HYLS1: variants seen among roughly 807,000 people sequenced by gnomAD.
The protein encoded by HYLS1 is centriolar and ciliogenesis-associated protein HYLS1.
HYLS1 carries 25 observed loss-of-function variants against 29.4 expected under a neutral mutation model. The observed-to-expected ratio is 0.85, with a 90% CI of 0.62 to 1.19. The LOEUF (loss-of-function observed/expected upper bound fraction) is 1.19. Among genes scored for constraint, HYLS1 ranks in the 50% most tolerant of loss-of-function variants. The probability of loss-of-function intolerance (pLI) is 0.00; values close to 1 mark genes in which losing one functional copy is unlikely to be tolerated. For synonymous variants in HYLS1, 128 were observed against 126.7 expected, an observed-to-expected ratio of 1.01 and a Z score of -0.07; for missense variants, 352 against 365.1, an observed-to-expected ratio of 0.96 and a Z score of 0.29.
At chr11:125,888,140 G>T (rs1944342563) in intron 1 of HYLS1, 1 of 152,272 alleles carries the variant, frequency 6.6e-6, no homozygotes, top group Non-Finnish European at 1.5e-5. Context: ...TAGCGACCTG[G>T]GTCCAAGCCA....
Position 125,900,614 on chromosome 11 carries a change from T to TACACTTACCAATTAAAGAATTTTGGAA in HYLS1, c.*348_*374dup. ...GTGTGTTTTTTAAGTTGCTGGGCAT[T>TACACTTACCAATTAAAGAATTTTGGAA]ACACTTACCAATTAAAGAATTTTGG... On this transcript the variant is annotated 3_prime_UTR_variant, in exon 3 of 3. Transcript: ENST00000425380. The TACACTTACCAATTAAAGAATTTTGGAA allele has an allele frequency of 3.5e-6, 1 of 289,198 alleles. No individual in the cohort carries two copies. The highest frequency in any genetic ancestry group is 7.0e-6 in the Non-Finnish European group (1 of 143,368). The allele number at this position is 289,198 out of a possible 1,614,324, so 17.9% of individuals were successfully genotyped here.
At chr11:125,894,747 T>C (rs952917171) in intron 2 of HYLS1, among the ~76,000 whole-genome samples, 7 of 152,190 alleles carry the variant, frequency 4.6e-5, no homozygotes, top group African/African-American at 1.7e-4. Context: ...CTCAGTGATA[T>C]AAAACAAGCA....
intron 2 of HYLS1, among the ~76,000 whole-genome samples, chr11:125,897,046 A>T (rs1333518450): frequency 6.6e-6 from 1 of 152,190 alleles, no homozygotes; most frequent in Non-Finnish European, 1.5e-5. Context: ...GATGTAATGT[A>T]GATGTCAGTG....
intron 2 of HYLS1, chr11:125,893,569 T>A (rs780261422): frequency 6.9e-5 from 30 of 436,122 alleles, no homozygotes; most frequent in Non-Finnish European, 1.2e-4. Context: ...TTTACGTTCT[T>A]TAATCGCTTA....
At chr11:125,895,428 T>C in intron 2 of HYLS1, 2 of 1,614,074 alleles carry the variant, frequency 1.2e-6, no homozygotes, top group East Asian at 2.2e-5. Flanking sequence ...GCCCACTAGC[T>C]GTACTTGAGC....
chr11:125,886,787 C>T (rs1944312218), upstream of HYLS1, among the ~76,000 whole-genome samples: 1 of 151,288 alleles, frequency 6.6e-6, no homozygotes, highest in Admixed American at 6.6e-5. Context: ...GGTGCTCGCC[C>T]GTAATCCCAG....
At chr11:125,893,663 T>G in intron 2 of HYLS1, 2 of 802,254 alleles carry the variant, frequency 2.5e-6, no homozygotes, top group East Asian at 2.9e-5. Context: ...TCTTTTTGCT[T>G]TTTTTTTTCT....
intron 2 of HYLS1, among the ~76,000 whole-genome samples, chr11:125,898,578 T>C (rs1486310150): frequency 6.6e-6 from 1 of 151,836 alleles, no homozygotes; most frequent in Non-Finnish European, 1.5e-5. Context: ...TCCGGAGTCT[T>C]AGACAGGATA....
chr11:125,895,824 A>T (rs1944566554), intron 2 of HYLS1: 26 of 1,580,360 alleles, frequency 1.6e-5, no homozygotes, highest in Non-Finnish European at 2.1e-5. Context: ...GGTTTTAGAG[A>T]CACAAATAAT....
At chr11:125,885,457 A>G (rs975868685), upstream of HYLS1, among the ~76,000 whole-genome samples, 1 of 152,150 alleles carries the variant, frequency 6.6e-6, no homozygotes, top group African/African-American at 2.4e-5. Flanking sequence ...TCTCAAAAAA[A>G]ATTAAAAAAA....
upstream of HYLS1, among the ~76,000 whole-genome samples, chr11:125,885,422 G>C (rs1465024137): frequency 1.3e-5 from 2 of 151,988 alleles, no homozygotes; most frequent in Non-Finnish European, 2.9e-5. Context: ...CTGCACCCCA[G>C]CCTGGGCTAC....
intron 2 of HYLS1, chr11:125,894,105 A>C: frequency 6.2e-7 from 1 of 1,614,120 alleles, no homozygotes; most frequent in Non-Finnish European, 8.5e-7. Flanking sequence ...CCTATTCCAC[A>C]GGGTACTGGA....
At chr11:125,899,311 T>C in intron 2 of HYLS1, 33 bp from the exon 3 acceptor site, 1 of 1,495,878 alleles carries the variant, frequency 6.7e-7, no homozygotes, top group South Asian at 1.2e-5. Flanking sequence ...GGGAATTTAT[T>C]ATCAGAAAAC....
In HYLS1 at chr11:125,899,566, G is replaced by C. The variant is rs754900007; in HGVS notation, c.198G>C (p.Val66=). ...CAGGGAAGCGACCTGCTCTTCCTGT[G>C]CAACTACAGTACCCACATGTAGAAA... ...VAPGKRPALP[V]QLQYPHVESN... Residue 66 remains valine, a synonymous_variant, in exon 3 of 3, where the codon GTG becomes GTC. Transcript: ENST00000425380. 4.3e-6 allele frequency: 7 copies of C among 1,614,122 alleles called. No homozygotes were observed. Among genetic ancestry groups the C allele is most frequent in the Non-Finnish European group, 5.9e-6 (7 of 1,180,002 alleles).
At chr11:125,887,982 CGGG>C (rs1944338067) in intron 1 of HYLS1, 15 of 152,386 alleles carry the variant, frequency 9.8e-5, no homozygotes, top group African/African-American at 3.1e-4. Context: ...ATGTGCGCGG[CGGG>C]CCGCAGCCCC....
intron 2 of HYLS1, chr11:125,896,378 G>T: frequency 8.2e-7 from 1 of 1,222,012 alleles, no homozygotes; most frequent in Non-Finnish European, 1.2e-6. Context: ...TAGTTCCTTT[G>T]ATGATGTTCT....
chr11:125,885,635 C>T (rs1944292420), upstream of HYLS1, among the ~76,000 whole-genome samples: 1 of 152,176 alleles, frequency 6.6e-6, no homozygotes, highest in East Asian at 1.9e-4. Context: ...AAATTTGCTC[C>T]TATGGAAAGA....
At chr11:125,886,161 G>A (rs978952435), upstream of HYLS1, among the ~76,000 whole-genome samples, 4 of 152,156 alleles carry the variant, frequency 2.6e-5, no homozygotes, top group East Asian at 3.9e-4. Flanking sequence ...TGGGACCGCT[G>A]CACTAAAGGA....
intron 1 of HYLS1, among the ~76,000 whole-genome samples, chr11:125,890,648 G>A (rs1944393217): frequency 6.6e-6 from 1 of 152,182 alleles, no homozygotes; most frequent in Non-Finnish European, 1.5e-5. Context: ...CTTTTGAAGA[G>A]AAGATATGGT....
Sources: allele counts gnomAD v4.1 joint callset (sites outside exome capture counted in the v4.1 genomes callset), GRCh38; gene constraint gnomAD v4.1.1; transcripts MANE v1.5; gene names NCBI Gene and HGNC (gene_info 2026-07-23, HGNC 2026-07-21).